MED13L: variants seen among roughly 807,000 people sequenced by gnomAD.
MED13L encodes mediator complex subunit 13L.
A neutral mutation model predicts 220.9 loss-of-function variants in MED13L; 7 were observed. The ratio of observed to expected loss-of-function variants is 0.03; its 90% CI spans 0.02 to 0.06. MED13L has a LOEUF of 0.06. Ranked by LOEUF, MED13L falls within the 10% of genes least tolerant of loss-of-function variation. MED13L has a pLI of 1.00. For synonymous variants in MED13L, 1,011 were observed against 1,015.2 expected (o/e 1.00, Z 0.08); for missense variants, 1,965 against 2,760.5 (o/e 0.71, Z 6.46).
chr12:116,142,169 A>C (rs1327733394), intron 2 of MED13L, among the ~76,000 whole-genome samples: 1 of 152,104 alleles, frequency 6.6e-6, no homozygotes, highest in African/African-American at 2.4e-5. Context: ...CCATGTCACT[A>C]ATCAGCATCT....
chr12:116,251,132 T>C (rs1048215843), intron 1 of MED13L, among the ~76,000 whole-genome samples: 53 of 147,696 alleles, frequency 3.6e-4, no homozygotes, highest in Non-Finnish European at 6.9e-4. Context: ...CCAAAGTAGG[T>C]TTAAAAAAAA....
chr12:116,162,830 C>T (rs543046597), intron 2 of MED13L, among the ~76,000 whole-genome samples: 1 of 152,230 alleles, frequency 6.6e-6, no homozygotes, highest in Admixed American at 6.5e-5. Flanking sequence ...TACGTCTTAA[C>T]ATTTTAAATG....
At chr12:116,077,089 C>T (rs1412409912) in intron 4 of MED13L, among the ~76,000 whole-genome samples, 1 of 152,148 alleles carries the variant, frequency 6.6e-6, no homozygotes, top group African/African-American at 2.4e-5. Flanking sequence ...GCATCCAAAC[C>T]TTACAGGCTT....
At chr12:116,120,242 C>T (rs1342961266) in intron 2 of MED13L, among the ~76,000 whole-genome samples, 1 of 151,988 alleles carries the variant, frequency 6.6e-6, no homozygotes, top group Admixed American at 6.6e-5. Flanking sequence ...TAGTGTTAAG[C>T]AAATCCACTC....
At chr12:115,997,926 T>C (rs1196959892) in intron 14 of MED13L, among the ~76,000 whole-genome samples, 3 of 152,188 alleles carry the variant, frequency 2.0e-5, no homozygotes, top group African/African-American at 4.8e-5. Flanking sequence ...ATGTATAAAA[T>C]ATTACAAAAA....
At chr12:116,257,491 T>G (rs893531469) in intron 1 of MED13L, among the ~76,000 whole-genome samples, 3 of 152,190 alleles carry the variant, frequency 2.0e-5, no homozygotes, top group African/African-American at 7.2e-5. Flanking sequence ...GAATGCAACC[T>G]TGATGACTGG....
At chr12:116,192,318 AGTTAT>A in intron 2 of MED13L, among the ~76,000 whole-genome samples, 1 of 152,374 alleles carries the variant, frequency 6.6e-6, no homozygotes, top group South Asian at 2.1e-4. Context: ...AATATCTGTT[AGTTAT>A]ATTTGTTTTG....
intron 2 of MED13L, among the ~76,000 whole-genome samples, chr12:116,226,738 A>G (rs943234945): frequency 1.4e-4 from 21 of 152,162 alleles, no homozygotes; most frequent in African/African-American, 4.1e-4. Flanking sequence ...GTGTGGTGGC[A>G]CACACCTTTA....
chr12:116,179,269 T>C (rs1337770986), intron 2 of MED13L, among the ~76,000 whole-genome samples: 1 of 151,876 alleles, frequency 6.6e-6, no homozygotes, highest in Non-Finnish European at 1.5e-5. Flanking sequence ...TATTTTGGTG[T>C]CAATAAATAC....
chr12:116,169,968 G>A (rs535651761), intron 2 of MED13L, among the ~76,000 whole-genome samples: 41 of 152,232 alleles, frequency 2.7e-4, no homozygotes, highest in African/African-American at 8.9e-4. Flanking sequence ...GGTGGGCTAC[G>A]ATCACGCCAC....
chr12:116,019,238 T>A lies in MED13L; in HGVS notation c.995A>T (p.Glu332Val), dbSNP rs1440142042. ...ATCCTACTCACCTAGGATAGCCTGT[T>A]CTGGAGAGGTGGGAGGGGTCAGAGG... ...GMPLTPPTSP[E>V]QAILGESGGM... Residue 332 changes from glutamate to valine, a missense_variant, in exon 7 of 31, where the codon GAA becomes GTA. Coordinates refer to ENST00000281928, the MANE Select transcript of MED13L (RefSeq NM_015335.5). 3.1e-6 allele frequency: 5 copies of A among 1,613,610 alleles called. No individual in the cohort carries two copies. Among genetic ancestry groups the A allele is most frequent in the Non-Finnish European group, 4.2e-6 (5 of 1,179,886 alleles).
intron 1 of MED13L, among the ~76,000 whole-genome samples, chr12:116,256,405 C>G (rs189184875): frequency 2.6e-4 from 40 of 151,516 alleles, no homozygotes; most frequent in Non-Finnish European, 4.4e-4. Flanking sequence ...TCTACAGTAA[C>G]AGCAGATTGG....
chr12:116,203,731 G>A (rs1459082953), intron 2 of MED13L, among the ~76,000 whole-genome samples: 1 of 151,988 alleles, frequency 6.6e-6, no homozygotes, highest in Non-Finnish European at 1.5e-5. Context: ...GAGGCAGGGA[G>A]AACTGCTTGA....
chr12:116,243,431 C>A (rs1396207719), intron 1 of MED13L, among the ~76,000 whole-genome samples: 1 of 152,114 alleles, frequency 6.6e-6, no homozygotes, highest in Non-Finnish European at 1.5e-5. Context: ...CTGGCCTAAA[C>A]AAACAGCTAC....
rs1042379979 is a variant in MED13L, at chr12:116,166,466, C to A, written c.311-54954G>T. Reference sequence around the variant, plus strand: ...TTAGCCAGGCGCTGGCCCGTGTAGTCCCAACTACTCGGGAGGCTAAGGCAT... The same window carrying A: ...TTAGCCAGGCGCTGGCCCGTGTAGTACCAACTACTCGGGAGGCTAAGGCAT... On this transcript the variant is annotated intron_variant, in intron 2 of 30. Coordinates refer to ENST00000281928, the MANE Select transcript of MED13L (RefSeq NM_015335.5). 4.6e-5 allele frequency among the ~76,000 whole-genome samples: 7 copies of A among 151,974 alleles called. 1 individual carries two copies. The highest frequency in any genetic ancestry group is 1.5e-4 in the African/African-American group (6 of 41,344).
At chr12:116,068,206 T>C (rs1194082373) in intron 4 of MED13L, among the ~76,000 whole-genome samples, 1 of 152,154 alleles carries the variant, frequency 6.6e-6, no homozygotes, top group Non-Finnish European at 1.5e-5. Context: ...GTGCCTGCCG[T>C]AATCAGCCTC....
intron 2 of MED13L, among the ~76,000 whole-genome samples, chr12:116,141,663 T>C (rs1290128501): frequency 6.6e-6 from 1 of 152,088 alleles, no homozygotes; most frequent in Non-Finnish European, 1.5e-5. Context: ...ACAGGGACTC[T>C]GGTGGAAGCC....
At chr12:115,990,306 T>C (rs1877972308) in intron 17 of MED13L, among the ~76,000 whole-genome samples, 2 of 152,236 alleles carry the variant, frequency 1.3e-5, no homozygotes, top group African/African-American at 4.8e-5. Context: ...ACTTATAAAA[T>C]GGGTTGTAAT....
Position 116,015,242 on chromosome 12 carries a change from G to A in MED13L, c.1042C>T (p.His348Tyr), listed in dbSNP as rs972562200. 1.2e-6 allele frequency: 2 copies of A among 1,613,846 alleles called. No individual in the cohort carries two copies. The highest frequency in any genetic ancestry group is 1.7e-6 in the Non-Finnish European group (2 of 1,179,840). The change falls in exon 8 of 31, where the codon CAC becomes TAC. Residue 348 changes from histidine (H) to tyrosine (Y), a missense_variant. Around this residue, in one of 10 missense-constraint regions of MED13L, gnomAD observed 818 missense variants for 1,041.2 expected, o/e 0.79. Transcript: ENST00000281928. ...ATCCCTCCATCTTGGGAAACCAGGT[G>A]ACTGGCAGCACTCTGCATACCTCCA... ...ESGGMQSAAS[H>Y]LVSQDGGMIT...
Sources: gnomAD v4.1 joint callset for allele counts (sites outside exome capture counted in the v4.1 genomes callset) on GRCh38, gnomAD v4.1.1 for gene constraint, gnomAD v4.1.1 regional missense constraint, MANE v1.5 for transcripts, NCBI Gene and HGNC (gene_info 2026-07-23, HGNC 2026-07-21) for gene names.